Variants in CTNNA1 observed in about 807,000 individuals in gnomAD.
CTNNA1 encodes catenin alpha-1.
CTNNA1 carries 37 observed loss-of-function variants against 98.4 expected under a neutral mutation model. The ratio of observed to expected loss-of-function variants is 0.38; its 90% CI spans 0.29 to 0.49. The LOEUF (loss-of-function observed/expected upper bound fraction) is 0.49. Ranked by LOEUF, CTNNA1 falls within the 20% of genes least tolerant of loss-of-function variation. CTNNA1 has a pLI of 0.95. For missense variants in CTNNA1, 761 were observed against 1,147.2 expected (o/e 0.66, Z 4.86); for synonymous variants, 404 against 413.2 (o/e 0.98, Z 0.27).
intron 10 of CTNNA1, among the ~76,000 whole-genome samples, chr5:138,914,864 T>C (rs1356725389): frequency 2.0e-5 from 3 of 152,068 alleles, no homozygotes; most frequent in African/African-American, 7.2e-5. Context: ...ACACATTTAC[T>C]GGGCCGGGCG....
chr5:138,825,801 C>G (rs539337660), intron 6 of CTNNA1, among the ~76,000 whole-genome samples: 39 of 152,180 alleles, frequency 2.6e-4, no homozygotes, highest in Non-Finnish European at 4.9e-4. Context: ...TGTTAGAACT[C>G]AGTTTTTACC....
intron 7 of CTNNA1, among the ~76,000 whole-genome samples, chr5:138,834,523 C>T (rs1378904875): frequency 2.6e-5 from 4 of 152,150 alleles, no homozygotes; most frequent in African/African-American, 9.7e-5. Flanking sequence ...CATATACACA[C>T]AGGTGCAGTT....
intron 7 of CTNNA1, among the ~76,000 whole-genome samples, chr5:138,877,157 T>A (rs893721416): frequency 2.0e-5 from 3 of 152,212 alleles, no homozygotes; most frequent in Non-Finnish European, 4.4e-5. Context: ...TCCTTCTTGC[T>A]GGTTAAAGAA....
chr5:138,782,020 T>G lies in CTNNA1; in HGVS notation c.96T>G (p.Leu32=), dbSNP rs1430895867. 1.2e-6 allele frequency: 2 copies of G among 1,608,610 alleles called. No homozygotes were observed. The highest frequency in any genetic ancestry group is 2.2e-5 in the South Asian group (2 of 89,436). Reference sequence around the variant, plus strand: ...CAGTTGAGAGACTGTTGGAGCCTCTTGTTACACAGGTAAGAATCTGAAAAC... The same window carrying G: ...CAGTTGAGAGACTGTTGGAGCCTCTGGTTACACAGGTAAGAATCTGAAAAC... ...TLAVERLLEP[L]VTQVTTLVNT... is the part of the protein sequence containing the mutation. Residue 32 remains leucine, a synonymous_variant, in exon 2 of 18, where the codon CTT becomes CTG. Coordinates refer to ENST00000302763, the MANE Select transcript of CTNNA1 (RefSeq NM_001903.5).
At chr5:138,787,851 G>T (rs1261873014) in intron 3 of CTNNA1, among the ~76,000 whole-genome samples, 1 of 152,138 alleles carries the variant, frequency 6.6e-6, no homozygotes, top group Non-Finnish European at 1.5e-5. Flanking sequence ...TGCTGTAAGT[G>T]ATGTTAAAAA....
At chr5:138,811,736 C>T (rs1057356496) in intron 4 of CTNNA1, among the ~76,000 whole-genome samples, 4 of 151,912 alleles carry the variant, frequency 2.6e-5, no homozygotes, top group African/African-American at 4.8e-5. Flanking sequence ...GCCAACACAG[C>T]GAAACCCCGT....
At chr5:138,802,303 A>G (rs190858196) in intron 3 of CTNNA1, among the ~76,000 whole-genome samples, 19 of 152,306 alleles carry the variant, frequency 1.2e-4, no homozygotes, top group Admixed American at 5.9e-4. Context: ...TAGACAATAA[A>G]GGAATTTTTA....
intron 5 of CTNNA1, among the ~76,000 whole-genome samples, chr5:138,820,568 C>T (rs1011479579): frequency 9.9e-5 from 15 of 152,092 alleles, no homozygotes; most frequent in South Asian, 8.3e-4. Flanking sequence ...TCCTGGTTCC[C>T]GGGTGATCCT....
rs576781051 is a variant in CTNNA1, at chr5:138,931,578, A to G, written c.2298+643A>G. The G allele has an allele frequency of 8.6e-5, 85 of 983,290 alleles. No homozygotes were observed. The African/African-American group carries it at 1.2e-3, about 14-fold the overall frequency. 60.9% of individuals were successfully genotyped at this position (983,290 alleles called of 1,614,324 possible). ...CATCCTTGACTCCCACACAATCGGTAATAGGGCCTATTGCTTCCATTGGCC... is the reference window on the plus strand; with the variant it reads ...CATCCTTGACTCCCACACAATCGGTGATAGGGCCTATTGCTTCCATTGGCC... On this transcript the variant is annotated intron_variant, in intron 16 of 17. Transcript: ENST00000302763.
At position 138,924,675 on chromosome 5, in the gene CTNNA1, A is replaced by G. The variant is rs747249507; in HGVS notation, c.1712A>G (p.Lys571Arg). 1.9e-6 allele frequency: 3 copies of G among 1,595,026 alleles called. No homozygotes were observed. Among genetic ancestry groups the G allele is most frequent in the Non-Finnish European group, 2.6e-6 (3 of 1,170,586 alleles). ...TATGAGCCAGGAGTCTACACAGAGA[A>G]GGTTCTGGAAGCCACTAAGCTGCTC... is the stretch of plus-strand genomic sequence containing the variant. ...DNYEPGVYTE[K>R]VLEATKLLSN... The change falls in exon 12 of 18, where the codon AAG (lysine) becomes AGG (arginine). Residue 571 changes from lysine (K) to arginine (R), a missense_variant. Coordinates refer to ENST00000302763, the MANE Select transcript of CTNNA1 (RefSeq NM_001903.5).
intron 11 of CTNNA1, among the ~76,000 whole-genome samples, chr5:138,921,939 T>G (rs1261693854): frequency 6.6e-6 from 1 of 151,700 alleles, no homozygotes; most frequent in East Asian, 1.9e-4. Context: ...TTAAGCCTAC[T>G]ATATAGTTTA....
chr5:138,882,824 TTTTGTTTG>T (rs1027092952), intron 7 of CTNNA1, among the ~76,000 whole-genome samples: 2 of 152,164 alleles, frequency 1.3e-5, no homozygotes, highest in Admixed American at 1.3e-4. Context: ...AGAATCTTGT[TTTTGTTTG>T]TTTGTTTGTT....
chr5:138,804,381 G>C (rs1757877080), intron 3 of CTNNA1, among the ~76,000 whole-genome samples: 1 of 152,046 alleles, frequency 6.6e-6, no homozygotes, highest in Non-Finnish European at 1.5e-5. Context: ...ATATTATTAG[G>C]TTGTGCAGCC....
intron 6 of CTNNA1, among the ~76,000 whole-genome samples, chr5:138,825,803 G>GT (rs918889391): frequency 6.6e-6 from 1 of 152,086 alleles, no homozygotes; most frequent in African/African-American, 2.4e-5. Flanking sequence ...TTAGAACTCA[G>GT]TTTTTACCAT....
intron 10 of CTNNA1, among the ~76,000 whole-genome samples, chr5:138,905,490 AC>A (rs1759046954): frequency 6.6e-6 from 1 of 152,204 alleles, no homozygotes; most frequent in African/African-American, 2.4e-5. Flanking sequence ...GTTGGAGGAA[AC>A]CAAATTCACA....
chr5:138,876,247 C>T (rs1237331631), intron 7 of CTNNA1, among the ~76,000 whole-genome samples: 2 of 152,188 alleles, frequency 1.3e-5, no homozygotes, highest in Non-Finnish European at 2.9e-5. Context: ...GTGGTTGTGA[C>T]ACTGAAATAA....
chr5:138,891,889 C>G (rs192388002), intron 9 of CTNNA1, among the ~76,000 whole-genome samples: 134 of 152,354 alleles, frequency 8.8e-4, no homozygotes, highest in African/African-American at 3.1e-3. Flanking sequence ...CTGCTTAAGG[C>G]AAACCTGCCT....
rs1561758576 is a variant in CTNNA1 at position 138,925,345 on chromosome 5, G to A, written c.1837G>A (p.Asp613Asn). 7.4e-6 allele frequency: 12 copies of A among 1,614,150 alleles called. No individual in the cohort carries two copies. The highest frequency in any genetic ancestry group is 1.1e-5 in the South Asian group (1 of 91,078). ...GCCCATGGATGAGAATGAGTTTATC[G>A]ATGCTTCCCGCCTGGTATATGATGG... ...AQPMDENEFI[D>N]ASRLVYDGIR... Residue 613 changes from aspartate (D) to asparagine (N), a missense_variant, in exon 13 of 18, where the codon GAT (aspartate) becomes AAT (asparagine). Asp to Asn is a conservative substitution (Grantham distance 23). This residue lies in a region of CTNNA1 where 287 missense variants were observed against 436.0 expected (regional missense o/e 0.66). Coordinates refer to ENST00000302763, the MANE Select transcript of CTNNA1 (RefSeq NM_001903.5).
intron 9 of CTNNA1, among the ~76,000 whole-genome samples, chr5:138,890,837 T>G (rs953300158): frequency 6.6e-6 from 1 of 152,198 alleles, no homozygotes; most frequent in African/African-American, 2.4e-5. Context: ...ATGAATAACA[T>G]TCTTCCATTA....
Sources: gnomAD v4.1 joint callset for allele counts (sites outside exome capture counted in the v4.1 genomes callset) on GRCh38, gnomAD v4.1.1 for gene constraint, gnomAD v4.1.1 regional missense constraint, MANE v1.5 for transcripts, NCBI Gene and HGNC (gene_info 2026-07-23, HGNC 2026-07-21) for gene names.